CPNE5: variants seen among roughly 807,000 people sequenced by gnomAD.
The protein encoded by CPNE5 is copine-5.
CPNE5 carries 42 observed loss-of-function variants against 81.1 expected under a neutral mutation model. The observed-to-expected ratio is 0.52, with a 90% confidence interval of 0.40 to 0.67. The LOEUF (loss-of-function observed/expected upper bound fraction) is 0.67. Ranked by LOEUF, CPNE5 falls within the 30% of genes least tolerant of loss-of-function variation. The probability of loss-of-function intolerance (pLI) is 0.00; values close to 1 mark genes in which losing one functional copy is unlikely to be tolerated. For missense variants in CPNE5, 612 were observed against 815.5 expected (o/e 0.75, Z 3.04); for synonymous variants, 313 against 321.5 (o/e 0.97, Z 0.28).
chr6:36,752,000 C>G (rs1764894269), intron 14 of CPNE5, among the ~76,000 whole-genome samples: 1 of 151,832 alleles, frequency 6.6e-6, no homozygotes. Flanking sequence ...AGAGGAGCTC[C>G]TGAGTGACTG....
chr6:36,742,600 C>T, intron 20 of CPNE5, 114 bp from the exon 21 acceptor site: 1 of 1,306,210 alleles, frequency 7.7e-7, no homozygotes, highest in Non-Finnish European at 1.0e-6. Context: ...TCACTTGACT[C>T]AATCCCCCCA....
At chr6:36,804,760 A>G (rs1368321707) in intron 3 of CPNE5, among the ~76,000 whole-genome samples, 1 of 151,348 alleles carries the variant, frequency 6.6e-6, no homozygotes, top group Non-Finnish European at 1.5e-5. Flanking sequence ...AGAGGGGAAT[A>G]CCCTAGAGAT....
chr6:36,800,063 C>A lies in CPNE5; in HGVS notation c.191G>T (p.Arg64Leu). 6.2e-7 allele frequency: 1 copy of A among 1,611,490 alleles called. No homozygotes were observed. Among genetic ancestry groups the A allele is most frequent in the Non-Finnish European group, 8.5e-7 (1 of 1,178,982 alleles). Residue 64 changes from arginine (R) to leucine (L), a missense_variant, in exon 4 of 21, where the codon CGC becomes CTC. Physicochemically the swap from Arg to Leu is moderately radical, Grantham distance 102 (BLOSUM62 -2). Transcript: ENST00000244751. ...GAGCGTGTTGTCGATGACTTCGGTG[C>A]GCCCAAACTGCAAGAGAAGATGGAG... is the stretch of plus-strand genomic sequence containing the variant. ...MENKQWREFG[R>L]TEVIDNTLNP...
chr6:36,750,643 C>T (rs1172845310), intron 14 of CPNE5, among the ~76,000 whole-genome samples: 1 of 152,208 alleles, frequency 6.6e-6, no homozygotes, highest in African/African-American at 2.4e-5. Flanking sequence ...ACCTACCATA[C>T]TCATCTGCTG....
At chr6:36,773,311 C>G (rs1407848087) in intron 10 of CPNE5, among the ~76,000 whole-genome samples, 2 of 152,218 alleles carry the variant, frequency 1.3e-5, no homozygotes, top group African/African-American at 4.8e-5. Flanking sequence ...CACCAGGAGA[C>G]AGGGATGGGT....
intron 6 of CPNE5, among the ~76,000 whole-genome samples, chr6:36,797,176 G>A (rs936531206): frequency 1.4e-4 from 22 of 152,242 alleles, no homozygotes; most frequent in African/African-American, 5.3e-4. Flanking sequence ...AAAGTGCTGA[G>A]ATTACAGGCG....
rs1191863124 is a variant in CPNE5, at chr6:36,792,085, C to A, written c.476G>T (p.Gly159Val). 6.2e-7 allele frequency: 1 copy of A among 1,613,806 alleles called. No homozygotes were observed. The highest frequency in any genetic ancestry group is 8.5e-7 in the Non-Finnish European group (1 of 1,179,858). The stretch of plus-strand genomic sequence containing the variant: ...CAGGATGATGGTGCCACATTTCTTT[C>A]CTGGGACACCACTGGGAGAGGAGAA... ...MPAVSNGGVP[G>V]KKCGTIILSA... is the part of the protein sequence containing the mutation. Residue 159 changes from glycine to valine, a missense_variant, in exon 8 of 21, where the codon GGA (glycine) becomes GTA (valine). Transcript: ENST00000244751.
chr6:36,798,278 C>A lies in CPNE5; in HGVS notation c.328-37G>T, dbSNP rs760978799. On this transcript the variant is annotated intron_variant, in intron 5 of 20. Transcript: ENST00000244751. ...GGGAACAGAAGAGACCAGTGTCACC[C>A]ACTCTGCTCACAGCTATCCCACCTC... 3.1e-6 allele frequency: 5 copies of A among 1,588,950 alleles called. No individual in the cohort carries two copies. The Admixed American group carries it at 8.5e-5, about 27-fold the overall frequency.
intron 3 of CPNE5, among the ~76,000 whole-genome samples, chr6:36,814,236 G>T (rs947380798): frequency 6.6e-6 from 1 of 152,124 alleles, no homozygotes; most frequent in African/African-American, 2.4e-5. Flanking sequence ...GTGGAGGAAC[G>T]CAGTACTCCA....
intron 18 of CPNE5, 29 bp downstream of exon 18, chr6:36,745,019 G>T (rs371923970): frequency 6.6e-7 from 1 of 1,516,810 alleles, no homozygotes; most frequent in Non-Finnish European, 9.2e-7. Context: ...TCCTCAAACC[G>T]CCTCCCCCAC....
intron 3 of CPNE5, 29 bp from the exon 4 acceptor site, chr6:36,800,099 A>C (rs1430787400): frequency 6.4e-7 from 1 of 1,566,794 alleles, no homozygotes; most frequent in Non-Finnish European, 8.7e-7. Context: ...GGTGAACCTC[A>C]GGGCCGGGCT....
At chr6:36,752,980 T>G in intron 14 of CPNE5, 54 bp downstream of exon 14, 1 of 1,430,238 alleles carries the variant, frequency 7.0e-7, no homozygotes, top group Non-Finnish European at 9.8e-7. Context: ...TGTCGGTGTG[T>G]GGGGCCCTTT....
At position 36,784,396 on chromosome 6, in the gene CPNE5, G is replaced by A. The variant is rs184692244; in HGVS notation, c.529-5439C>T. 1.2e-3 allele frequency among the ~76,000 whole-genome samples: 177 copies of A among 152,352 alleles called. 1 individual carries two copies. Among genetic ancestry groups the A allele is most frequent in the African/African-American group, 3.9e-3 (163 of 41,586 alleles). Reference sequence around the variant, plus strand: ...CAGGGAAGTCCTTGAGACAAAGAGTGTGTAACTAACCGCCTGGGGGCTGTG... The same window carrying A: ...CAGGGAAGTCCTTGAGACAAAGAGTATGTAACTAACCGCCTGGGGGCTGTG... On this transcript the variant is annotated intron_variant, in intron 8 of 20. Transcript: ENST00000244751.
intron 1 of CPNE5, 101 bp from the exon 2 acceptor site, chr6:36,823,199 T>C (rs1444462209): frequency 2.7e-5 from 26 of 958,858 alleles, no homozygotes; most frequent in Non-Finnish European, 3.9e-5. Context: ...GCCTCTGGCC[T>C]GGCCTCAGGC....
In CPNE5 at chr6:36,839,436, G is replaced by A. The variant is rs1213457190; in HGVS notation, c.-59C>T. 2.2e-6 allele frequency: 3 copies of A among 1,381,228 alleles called. No homozygotes were observed. The highest frequency in any genetic ancestry group is 3.0e-6 in the Non-Finnish European group (3 of 1,012,706). 85.6% of individuals were successfully genotyped at this position (1,381,228 alleles called of 1,614,324 possible). On this transcript the variant is annotated 5_prime_UTR_variant, in exon 1 of 21. Transcript: ENST00000244751. This position sits in a 1 kb window ranked among gnomAD's most constrained non-coding sequence, Gnocchi z 7.3. ...TCCCTGCGCGATTCACGCCTCCTCC[G>A]GAGCGACTGGAGCCCTGGGCTCTCC...
chr6:36,741,069 C>G lies in CPNE5; in HGVS notation c.*1199G>C, dbSNP rs544842866. On this transcript the variant is annotated 3_prime_UTR_variant, in exon 21 of 21. Coordinates refer to ENST00000244751, the MANE Select transcript of CPNE5 (RefSeq NM_020939.2). Reference sequence around the variant, plus strand: ...CCCTTCTTCCCCACCTTTCCCACAGCAGGGGCAGGAGCTCGGGCTCAGATG... The same window carrying G: ...CCCTTCTTCCCCACCTTTCCCACAGGAGGGGCAGGAGCTCGGGCTCAGATG... 8.5e-5 allele frequency: 13 copies of G among 152,368 alleles called. No homozygotes were observed. Among genetic ancestry groups the G allele is most frequent in the African/African-American group, 2.9e-4 (12 of 41,582 alleles). The allele number at this position is 152,368 out of a possible 1,614,324, so 9.4% of individuals were successfully genotyped here.
chr6:36,785,529 A>G (rs189504840), intron 8 of CPNE5, among the ~76,000 whole-genome samples: 201 of 152,234 alleles, frequency 1.3e-3, no homozygotes, highest in African/African-American at 4.2e-3. Context: ...CTGGATCCAA[A>G]GCTCAAGTTC....
At chr6:36,823,972 A>C (rs1047591160) in intron 1 of CPNE5, among the ~76,000 whole-genome samples, 1 of 152,154 alleles carries the variant, frequency 6.6e-6, no homozygotes, top group African/African-American at 2.4e-5. Context: ...ACCTGCTGCC[A>C]TTGGGAAGCA....
chr6:36,751,427 A>G (rs181976314), intron 14 of CPNE5, among the ~76,000 whole-genome samples: 3 of 152,328 alleles, frequency 2.0e-5, no homozygotes, highest in African/African-American at 7.2e-5. Context: ...AGCTCTGTAA[A>G]ATGGGGATAA....
Sources: allele counts gnomAD v4.1 joint callset (sites outside exome capture counted in the v4.1 genomes callset), GRCh38; gene constraint gnomAD v4.1.1; non-coding constraint Gnocchi (gnomAD v3.1); transcripts MANE v1.5; gene names NCBI Gene and HGNC (gene_info 2026-07-23, HGNC 2026-07-21).